GMDS: variants seen among roughly 807,000 people sequenced by gnomAD.
GMDS encodes the protein GDP-mannose 4,6-dehydratase, also known as GDP-mannose 4,6 dehydratase.
A neutral mutation model predicts 49.9 loss-of-function variants in GMDS; 20 were observed. That is an observed-to-expected ratio of 0.40 (90% CI 0.28 to 0.58). The LOEUF (loss-of-function observed/expected upper bound fraction) is 0.58, where lower values mean the gene tolerates loss of function less well. Ranked by LOEUF, GMDS falls within the 20% of genes least tolerant of loss-of-function variation. The pLI is 0.42. For missense variants in GMDS, 362 were observed against 481.4 expected (o/e 0.75, Z 2.32); for synonymous variants, 177 against 178.6 (o/e 0.99, Z 0.07).
chr6:1,930,387 C>A (rs1762234800), intron 6 of GMDS, 157 bp from the exon 7 acceptor site: 5 of 555,188 alleles, frequency 9.0e-6, no homozygotes, highest in African/African-American at 3.8e-5. Context: ...GAGAAAAGAT[C>A]ATTAACTGTC....
At chr6:1,844,202 T>C (rs767213998) in intron 7 of GMDS, among the ~76,000 whole-genome samples, 1 of 152,196 alleles carries the variant, frequency 6.6e-6, no homozygotes, top group Non-Finnish European at 1.5e-5. Flanking sequence ...AGCTGGGGTT[T>C]ATATGCAAGT....
At chr6:2,169,942 G>A (rs1031585960) in intron 1 of GMDS, among the ~76,000 whole-genome samples, 1 of 152,132 alleles carries the variant, frequency 6.6e-6, no homozygotes, top group African/African-American at 2.4e-5. Flanking sequence ...GGTGGCTCAC[G>A]CCTGTAATCC....
chr6:1,792,834 CT>C lies in GMDS; in HGVS notation c.772-50249del, dbSNP rs1256189277. Reference sequence around the variant, plus strand: ...GTACTTCTGGAAGTTTTATGATCTTCTTTTTAACTCCAATGCTGAAATATGA... The same window carrying C: ...GTACTTCTGGAAGTTTTATGATCTTCTTTTAACTCCAATGCTGAAATATGA... On this transcript the variant is annotated intron_variant, in intron 7 of 10. Transcript: ENST00000380815. 4.6e-5 allele frequency among the ~76,000 whole-genome samples: 7 copies of C among 152,234 alleles called. No individual in the cohort carries two copies. The East Asian group carries it at 1.2e-3, about 25-fold the overall frequency.
At chr6:2,167,857 G>A (rs1777746086) in intron 1 of GMDS, among the ~76,000 whole-genome samples, 1 of 152,080 alleles carries the variant, frequency 6.6e-6, no homozygotes, top group Non-Finnish European at 1.5e-5. Flanking sequence ...AATTCCATGG[G>A]AACAACATTC....
At chr6:1,871,058 G>GCACACACACACACACACA (rs3839602) in intron 7 of GMDS, among the ~76,000 whole-genome samples, 6 of 147,112 alleles carry the variant, frequency 4.1e-5, no homozygotes, top group African/African-American at 1.5e-4. Flanking sequence ...CTATCCCCCA[G>GCACACACACACACACACA]CACACACACA....
rs897269460 is a variant in GMDS, at chr6:2,048,639, T to C, written c.345+67132A>G. Reference sequence around the variant, plus strand: ...TTAGGGGAGCTACATATTAGTGATATTGAGTCTTCCCACTGATCACCATCA... The same window carrying C: ...TTAGGGGAGCTACATATTAGTGATACTGAGTCTTCCCACTGATCACCATCA... On this transcript the variant is annotated intron_variant, in intron 4 of 10. Coordinates refer to ENST00000380815, the MANE Select transcript of GMDS (RefSeq NM_001500.4). Among the ~76,000 whole-genome samples, 4 of 152,220 alleles carry C rather than the reference T, an allele frequency of 2.6e-5. 1 individual carries two copies. Among genetic ancestry groups the C allele is most frequent in the Admixed American group, 2.0e-4 (3 of 15,280 alleles).
intron 2 of GMDS, among the ~76,000 whole-genome samples, chr6:2,122,499 C>T (rs1358701395): frequency 6.6e-6 from 1 of 152,128 alleles, no homozygotes; most frequent in Non-Finnish European, 1.5e-5. Context: ...TATTCTTTTA[C>T]TCATGGCCTT....
intron 9 of GMDS, among the ~76,000 whole-genome samples, chr6:1,631,188 C>T (rs1267448245): frequency 6.6e-6 from 1 of 152,148 alleles, no homozygotes; most frequent in Non-Finnish European, 1.5e-5. Flanking sequence ...GCTTTCTACC[C>T]TCAAAGCGCT....
intron 4 of GMDS, among the ~76,000 whole-genome samples, chr6:2,044,662 GGC>G (rs1248719078): frequency 6.6e-6 from 1 of 152,024 alleles, no homozygotes; most frequent in African/African-American, 2.4e-5. Flanking sequence ...CAAACCCCGT[GGC>G]GTGAGTTCAC....
intron 6 of GMDS, among the ~76,000 whole-genome samples, chr6:1,939,448 C>G (rs373051398): frequency 6.6e-6 from 1 of 151,858 alleles, no homozygotes; most frequent in Admixed American, 6.6e-5. Flanking sequence ...TGACTGCTAT[C>G]TACTGATTAA....
intron 1 of GMDS, among the ~76,000 whole-genome samples, chr6:2,212,633 G>A (rs1015677064): frequency 6.1e-5 from 9 of 148,540 alleles, no homozygotes; most frequent in African/African-American, 2.2e-4. Context: ...CATCCTTAGT[G>A]GTCTTTGTGT....
Position 1,696,298 on chromosome 6 carries a change from C to T in GMDS, c.987+30118G>A, listed in dbSNP as rs572744343. 8.5e-5 allele frequency among the ~76,000 whole-genome samples: 13 copies of T among 152,346 alleles called. No homozygotes were observed. The East Asian group carries it at 2.1e-3, about 25-fold the overall frequency. On this transcript the variant is annotated intron_variant, in intron 9 of 10. Coordinates refer to ENST00000380815, the MANE Select transcript of GMDS (RefSeq NM_001500.4). ...AACTTTTCCCGAAGAGCGCAGTCCT[C>T]CCTGAGCAAAATGGCTAGGGCCTAC... is the stretch of plus-strand genomic sequence containing the variant.
intron 7 of GMDS, among the ~76,000 whole-genome samples, chr6:1,869,724 G>T (rs934874386): frequency 6.6e-6 from 1 of 152,170 alleles, no homozygotes; most frequent in African/African-American, 2.4e-5. Context: ...AAATAAAAAA[G>T]AAATCGGCAC....
At chr6:1,929,000 AATAG>A (rs1348249416) in intron 7 of GMDS, among the ~76,000 whole-genome samples, 1 of 151,290 alleles carries the variant, frequency 6.6e-6, no homozygotes, top group Non-Finnish European at 1.5e-5. Context: ...TAAATAAATA[AATAG>A]ATCTAAATGT....
At chr6:2,100,118 A>C (rs1773839244) in intron 4 of GMDS, among the ~76,000 whole-genome samples, 1 of 152,084 alleles carries the variant, frequency 6.6e-6, no homozygotes, top group African/African-American at 2.4e-5. Context: ...TGATTATAAA[A>C]ATTCTGACAA....
At chr6:2,053,363 A>G (rs759926314) in intron 4 of GMDS, among the ~76,000 whole-genome samples, 8 of 152,130 alleles carry the variant, frequency 5.3e-5, no homozygotes, top group Non-Finnish European at 1.2e-4. Flanking sequence ...AGTACAATAA[A>G]TTAAGAAATA....
intron 7 of GMDS, among the ~76,000 whole-genome samples, chr6:1,761,093 A>T (rs1768137089): frequency 6.6e-6 from 1 of 152,166 alleles, no homozygotes; most frequent in African/African-American, 2.4e-5. Context: ...CTCCCCTTCC[A>T]TGGAAGGGCC....
At position 1,629,519 on chromosome 6, in the gene GMDS, G is replaced by C. The variant is rs187830977; in HGVS notation, c.988-4979C>G. ...CAGTCAGCACTGGCCCGAGGAGGGTGCAGGCAGTGGAGAGGAAGTGGCAGA... is the reference window on the plus strand; with the variant it reads ...CAGTCAGCACTGGCCCGAGGAGGGTCCAGGCAGTGGAGAGGAAGTGGCAGA... On this transcript the variant is annotated intron_variant, in intron 9 of 10. Transcript: ENST00000380815. 2.5e-3 allele frequency among the ~76,000 whole-genome samples: 385 copies of C among 152,340 alleles called. 3 individuals are homozygous for C. The highest frequency in any genetic ancestry group is 8.4e-3 in the African/African-American group (350 of 41,594).
chr6:1,720,657 C>T (rs1350905314), intron 9 of GMDS, among the ~76,000 whole-genome samples: 3 of 152,168 alleles, frequency 2.0e-5, no homozygotes, highest in African/African-American at 7.2e-5. Flanking sequence ...AGTAGTCTCG[C>T]CTCTCTTTCT....
Sources: gnomAD v4.1 joint callset for allele counts (sites outside exome capture counted in the v4.1 genomes callset) on GRCh38, gnomAD v4.1.1 for gene constraint, MANE v1.5 for transcripts, NCBI Gene and HGNC (gene_info 2026-07-23, HGNC 2026-07-21) for gene names.